MBD5: variants seen among roughly 807,000 people sequenced by gnomAD.
MBD5 encodes the protein methyl-CpG binding domain protein 5.
A neutral mutation model predicts 117.3 loss-of-function variants in MBD5; 13 were observed. That is an observed-to-expected ratio of 0.11 (90% CI 0.07 to 0.18). The LOEUF (loss-of-function observed/expected upper bound fraction) is 0.18, where lower values mean the gene tolerates loss of function less well. Among genes scored for constraint, MBD5 ranks in the 10% least tolerant of loss-of-function variants. MBD5 has a pLI of 1.00. For synonymous variants in MBD5, 727 were observed against 766.4 expected, an observed-to-expected ratio of 0.95 and a Z score of 0.85; for missense variants, 1,879 against 2,093.8, an observed-to-expected ratio of 0.90 and a Z score of 2.00.
intron 3 of MBD5, among the ~76,000 whole-genome samples, chr2:148,304,154 G>A (rs1701837159): frequency 1.3e-5 from 2 of 152,142 alleles, no homozygotes; most frequent in African/African-American, 4.8e-5. Flanking sequence ...AATAATAATA[G>A]CAGCTAACAC....
intron 4 of MBD5, among the ~76,000 whole-genome samples, chr2:148,399,531 T>A (rs1241181500): frequency 6.6e-6 from 1 of 152,234 alleles, no homozygotes; most frequent in Non-Finnish European, 1.5e-5. Context: ...TGAAGATGCC[T>A]ATCAGCTTAA....
intron 8 of MBD5, among the ~76,000 whole-genome samples, chr2:148,479,033 G>A (rs758486090): frequency 2.0e-5 from 3 of 152,128 alleles, no homozygotes; most frequent in Non-Finnish European, 4.4e-5. Context: ...TATGAAATAC[G>A]TTCACCAGAG....
At chr2:148,137,252 C>G (rs552336370) in intron 1 of MBD5, among the ~76,000 whole-genome samples, 4 of 152,146 alleles carry the variant, frequency 2.6e-5, no homozygotes, top group African/African-American at 9.7e-5. Flanking sequence ...CTTCCTGAAA[C>G]TTTTTCATAA....
At chr2:148,169,007 G>A (rs985491339) in intron 1 of MBD5, among the ~76,000 whole-genome samples, 1 of 149,346 alleles carries the variant, frequency 6.7e-6, no homozygotes, top group Non-Finnish European at 1.5e-5. Context: ...CAAAAGTAAA[G>A]TAGCTTCATA....
intron 3 of MBD5, among the ~76,000 whole-genome samples, chr2:148,282,904 C>A (rs554739156): frequency 1.4e-5 from 2 of 144,938 alleles, no homozygotes; most frequent in Non-Finnish European, 3.0e-5. Flanking sequence ...TAACCGCCCC[C>A]CCCCATCAGA....
rs1693711017 is a variant in MBD5 at position 148,021,410 on chromosome 2, G to A, written c.-1199G>A. 1 of 529,128 alleles carries A rather than the reference G, an allele frequency of 1.9e-6. No individual in the cohort carries two copies. Among genetic ancestry groups the A allele is most frequent in the African/African-American group, 1.9e-5 (1 of 51,940 alleles). 32.8% of individuals were successfully genotyped at this position (529,128 alleles called of 1,614,324 possible). A position where few individuals can be genotyped will look rare whatever the true frequency, so the allele number is the denominator to read the frequency against. ...CTCCTCCTCTTTGGCCGTGAGAGGA[G>A]GAGAGAAAGAAACCAAAAGCCTCTT... is the stretch of plus-strand genomic sequence containing the variant. On this transcript the variant is annotated 5_prime_UTR_variant, in exon 1 of 14. Transcript: ENST00000642680.
At chr2:148,305,279 T>C (rs971647088) in intron 3 of MBD5, among the ~76,000 whole-genome samples, 1 of 152,086 alleles carries the variant, frequency 6.6e-6, no homozygotes, top group Non-Finnish European at 1.5e-5. Context: ...TTTCTGTCAA[T>C]CCTCCCTGTT....
intron 4 of MBD5, among the ~76,000 whole-genome samples, chr2:148,437,203 G>A (rs528872998): frequency 1.5e-4 from 22 of 151,644 alleles, no homozygotes; most frequent in African/African-American, 4.1e-4. Flanking sequence ...GGATGGTCTC[G>A]ATCTCCTGAC....
At chr2:148,117,390 G>A (rs1412048063) in intron 1 of MBD5, among the ~76,000 whole-genome samples, 1 of 151,290 alleles carries the variant, frequency 6.6e-6, no homozygotes, top group Non-Finnish European at 1.5e-5. Flanking sequence ...ATAGCCTTTT[G>A]GAAATTATGT....
At chr2:148,301,686 A>G (rs1349892399) in intron 3 of MBD5, among the ~76,000 whole-genome samples, 2 of 152,170 alleles carry the variant, frequency 1.3e-5, no homozygotes, top group African/African-American at 4.8e-5. Context: ...CCTCATGAGC[A>G]GTGGCCTGCC....
chr2:148,256,368 C>G (rs1700590550), intron 3 of MBD5, among the ~76,000 whole-genome samples: 1 of 152,230 alleles, frequency 6.6e-6, no homozygotes, highest in Non-Finnish European at 1.5e-5. Flanking sequence ...CTCATCATTG[C>G]CGGGGGTGGC....
intron 4 of MBD5, among the ~76,000 whole-genome samples, chr2:148,358,538 G>A (rs1164518151): frequency 6.6e-6 from 1 of 151,724 alleles, no homozygotes; most frequent in African/African-American, 2.4e-5. Flanking sequence ...CAGCACTTTG[G>A]GAGGCCAAGG....
intron 3 of MBD5, among the ~76,000 whole-genome samples, chr2:148,240,506 A>T (rs1308597089): frequency 6.6e-6 from 1 of 151,870 alleles, no homozygotes; most frequent in Non-Finnish European, 1.5e-5. Context: ...TGTTTCAGCC[A>T]CCCAAAGTGC....
chr2:148,095,677 A>G (rs969513415), intron 1 of MBD5, among the ~76,000 whole-genome samples: 1 of 152,170 alleles, frequency 6.6e-6, no homozygotes, highest in African/African-American at 2.4e-5. Context: ...TGAGCAATAC[A>G]TATCTTTATG....
At chr2:148,228,340 A>C (rs887853671) in intron 2 of MBD5, among the ~76,000 whole-genome samples, 3 of 152,150 alleles carry the variant, frequency 2.0e-5, no homozygotes, top group African/African-American at 7.2e-5. Flanking sequence ...AATTTTGTCA[A>C]GGGCCTTTTC....
chr2:148,381,703 A>G (rs1704148444), intron 4 of MBD5, among the ~76,000 whole-genome samples: 1 of 152,248 alleles, frequency 6.6e-6, no homozygotes, highest in Admixed American at 6.5e-5. Flanking sequence ...AAGGGCAGCC[A>G]GAGAGAAAGG....
chr2:148,083,047 A>C (rs1338173768), intron 1 of MBD5, among the ~76,000 whole-genome samples: 1 of 152,188 alleles, frequency 6.6e-6, no homozygotes, highest in East Asian at 1.9e-4. Context: ...GAGGGGATTT[A>C]AATCCAAGTC....
At chr2:148,051,604 A>AGAGTGTGTGT in intron 1 of MBD5, among the ~76,000 whole-genome samples, 1 of 139,236 alleles carries the variant, frequency 7.2e-6, no homozygotes, top group South Asian at 2.4e-4. Context: ...CTGTTTGTTG[A>AGAGTGTGTGT]GTGTGTGTGT....
chr2:148,501,858 C>T (rs2105221347), intron 11 of MBD5, among the ~76,000 whole-genome samples: 1 of 152,286 alleles, frequency 6.6e-6, no homozygotes, highest in African/African-American at 2.4e-5. Context: ...TTACTGTATG[C>T]TAGGATAAGT....
Sources: allele counts gnomAD v4.1 joint callset (sites outside exome capture counted in the v4.1 genomes callset), GRCh38; gene constraint gnomAD v4.1.1; transcripts MANE v1.5; gene names NCBI Gene and HGNC (gene_info 2026-07-23, HGNC 2026-07-21).